Variants in DMRT1 observed in about 807,000 individuals in gnomAD.
The protein encoded by DMRT1 is doublesex and mab-3 related transcription factor 1.
DMRT1 carries 7 observed loss-of-function variants against 32.3 expected under a neutral mutation model. The observed-to-expected ratio is 0.22, with a 90% CI of 0.12 to 0.41. The LOEUF is 0.41. Among genes scored for constraint, DMRT1 ranks in the 10% least tolerant of loss-of-function variants. The pLI is 1.00. For missense variants in DMRT1, 625 were observed against 500.5 expected, an observed-to-expected ratio of 1.25 and a Z score of -2.37; for synonymous variants, 278 against 206.1, an observed-to-expected ratio of 1.35 and a Z score of -2.99.
chr9:923,744 T>A (rs539719258), intron 4 of DMRT1, among the ~76,000 whole-genome samples: 16 of 152,296 alleles, frequency 1.1e-4, no homozygotes, highest in African/African-American at 3.9e-4. Flanking sequence ...GCCAGTAGGA[T>A]AGAAAAACAT....
At chr9:961,105 A>T (rs1819757597) in intron 4 of DMRT1, among the ~76,000 whole-genome samples, 1 of 152,204 alleles carries the variant, frequency 6.6e-6, no homozygotes, top group Non-Finnish European at 1.5e-5. Flanking sequence ...GACCTGTCCA[A>T]GGTCTTCAGG....
At chr9:957,354 A>G (rs914243115) in intron 4 of DMRT1, among the ~76,000 whole-genome samples, 1 of 152,272 alleles carries the variant, frequency 6.6e-6, no homozygotes, top group Non-Finnish European at 1.5e-5. Context: ...TGGACAGAAG[A>G]TACCACAAAA....
intron 2 of DMRT1, among the ~76,000 whole-genome samples, chr9:874,956 C>T (rs547416147): frequency 1.4e-4 from 22 of 151,736 alleles, no homozygotes; most frequent in Middle Eastern, 3.4e-3. Flanking sequence ...TACGGGTGCC[C>T]GCCACCACGC....
chr9:873,742 A>G (rs1816375977), intron 2 of DMRT1, among the ~76,000 whole-genome samples: 1 of 151,666 alleles, frequency 6.6e-6, no homozygotes, highest in Non-Finnish European at 1.5e-5. Context: ...AGGTGTTTTA[A>G]TAACTGGGGG....
rs142161257 is a variant in DMRT1 at position 886,024 on chromosome 9, TAGAG to T, written c.539-7885_539-7882del. Among the ~76,000 whole-genome samples the T allele has an allele frequency of 4.6e-5, 7 of 152,272 alleles. No homozygotes were observed. The East Asian group carries it at 1.3e-3, about 29-fold the overall frequency. The stretch of plus-strand genomic sequence containing the variant: ...TTGGCCAATTATCATTCTAGAAAAA[TAGAG>T]AGTGAGATCTAGCTTAAGAATTTTC... On this transcript the variant is annotated intron_variant, in intron 2 of 4. Coordinates refer to ENST00000382276, the MANE Select transcript of DMRT1 (RefSeq NM_021951.3).
At chr9:867,138 G>A (rs907271498) in intron 2 of DMRT1, among the ~76,000 whole-genome samples, 6 of 152,104 alleles carry the variant, frequency 3.9e-5, no homozygotes, top group Admixed American at 1.3e-4. Flanking sequence ...GTGGAGAGGA[G>A]TTTGACAGGG....
intron 2 of DMRT1, among the ~76,000 whole-genome samples, chr9:848,383 T>C (rs2062438819): frequency 6.6e-6 from 1 of 152,084 alleles, no homozygotes; most frequent in Admixed American, 6.6e-5. Context: ...AAAAAAGAAG[T>C]TAAGCACCAA....
chr9:891,484 A>G (rs1299737838), intron 2 of DMRT1, among the ~76,000 whole-genome samples: 4 of 151,130 alleles, frequency 2.6e-5, no homozygotes, highest in Non-Finnish European at 5.9e-5. Flanking sequence ...AAGTGAAACG[A>G]CAAGATCTTA....
At chr9:916,717 A>G (rs757826621) in intron 3 of DMRT1, 46 bp from the exon 4 acceptor site, 1 of 1,606,370 alleles carries the variant, frequency 6.2e-7, no homozygotes, top group South Asian at 1.1e-5. Context: ...ACTAGTTGTG[A>G]CATGCAATGT....
At chr9:933,375 G>T (rs888630874) in intron 4 of DMRT1, among the ~76,000 whole-genome samples, 1 of 152,204 alleles carries the variant, frequency 6.6e-6, no homozygotes, top group Non-Finnish European at 1.5e-5. Flanking sequence ...GGAACTCTGT[G>T]CCAGGAACCC....
At chr9:843,557 T>C (rs1286938179) in intron 1 of DMRT1, among the ~76,000 whole-genome samples, 1 of 152,226 alleles carries the variant, frequency 6.6e-6, no homozygotes, top group African/African-American at 2.4e-5. Context: ...TTTTTGAAGG[T>C]TCGTAAGTAG....
chr9:862,476 G>T (rs1197021895), intron 2 of DMRT1, among the ~76,000 whole-genome samples: 1 of 150,750 alleles, frequency 6.6e-6, no homozygotes, highest in Non-Finnish European at 1.5e-5. Context: ...GGCATCAGAG[G>T]GAGACGGTGC....
At chr9:845,400 GT>G (rs1340385232) in intron 1 of DMRT1, among the ~76,000 whole-genome samples, 2 of 150,652 alleles carry the variant, frequency 1.3e-5, no homozygotes, top group Non-Finnish European at 3.0e-5. Context: ...TAGAGATGGG[GT>G]TTCACCATAT....
chr9:842,560 C>A lies in DMRT1; in HGVS notation c.354+368C>A, dbSNP rs559919124. Among the ~76,000 whole-genome samples, 267 of 151,606 alleles carry A rather than the reference C, an allele frequency of 1.8e-3. 1 individual carries two copies. Among genetic ancestry groups the A allele is most frequent in the Non-Finnish European group, 2.3e-3 (156 of 67,878 alleles). On this transcript the variant is annotated intron_variant, in intron 1 of 4. Coordinates refer to ENST00000382276, the MANE Select transcript of DMRT1 (RefSeq NM_021951.3). ...GGGGCCCGAGTTTCTTGAATGAAGT[C>A]CCCCCAGCATGGCCGTTGCCATGCG...
At chr9:934,400 A>G (rs1385282314) in intron 4 of DMRT1, among the ~76,000 whole-genome samples, 9 of 152,118 alleles carry the variant, frequency 5.9e-5, no homozygotes, top group Admixed American at 5.9e-4. Flanking sequence ...ATGTGATGGC[A>G]TGCATCTGTA....
intron 2 of DMRT1, among the ~76,000 whole-genome samples, chr9:858,731 A>T (rs1447864061): frequency 6.6e-6 from 1 of 151,848 alleles, no homozygotes; most frequent in Non-Finnish European, 1.5e-5. Flanking sequence ...AAAATTAGTT[A>T]GACATGGTGG....
chr9:892,453 C>T (rs889489121), intron 2 of DMRT1, among the ~76,000 whole-genome samples: 1 of 152,148 alleles, frequency 6.6e-6, no homozygotes. Context: ...CACCCAGGCT[C>T]CTGCTCTCTG....
chr9:898,153 T>C (rs1156619077), intron 3 of DMRT1, among the ~76,000 whole-genome samples: 1 of 144,316 alleles, frequency 6.9e-6, no homozygotes, highest in African/African-American at 2.5e-5. Context: ...AGGGCCTCAC[T>C]CTGTCATTCA....
At chr9:905,730 G>C (rs1054629176) in intron 3 of DMRT1, among the ~76,000 whole-genome samples, 2 of 152,232 alleles carry the variant, frequency 1.3e-5, no homozygotes, top group African/African-American at 4.8e-5. Context: ...ACGCTGCTGG[G>C]CACTTCCTGT....
Sources: gnomAD v4.1 joint callset for allele counts (sites outside exome capture counted in the v4.1 genomes callset) on GRCh38, gnomAD v4.1.1 for gene constraint, MANE v1.5 for transcripts, NCBI Gene and HGNC (gene_info 2026-07-23, HGNC 2026-07-21) for gene names.